Variants in CXADR observed in about 807,000 individuals in gnomAD.
CXADR encodes the protein coxsackievirus and adenovirus receptor.
Under a neutral mutation model 40.3 loss-of-function variants are expected in CXADR, and 20 were observed. That is an observed-to-expected ratio of 0.50 (90% CI 0.35 to 0.72). CXADR has a LOEUF of 0.72. Among genes scored for constraint, CXADR ranks in the 30% least tolerant of loss-of-function variants. CXADR has a pLI of 0.01. For synonymous variants in CXADR, 150 were observed against 161.3 expected (o/e 0.93, Z 0.53); for missense variants, 332 against 449.1 (o/e 0.74, Z 2.36).
chr21:17,612,637 C>T, the CXADR span: 670 of 152,330 alleles, frequency 4.4e-3, 22 homozygotes, highest in East Asian at 0.084. Flanking sequence ...GGCGACGGGA[C>T]CACCCTCCCC....
rs1406789685 is a variant in CXADR at position 17,569,044 on chromosome 21, G to A, written c.*3352G>A. On this transcript the variant is annotated 3_prime_UTR_variant, in exon 7 of 7. Transcript: ENST00000284878. ...TCTTGGAAATTTGGAACAAGTAAAG[G>A]GGCAAGTAAACCTTTTGATGAAATA... 1 of 985,160 alleles carries A rather than the reference G, an allele frequency of 1.0e-6. No homozygotes were observed. The highest frequency in any genetic ancestry group is 1.2e-6 in the Non-Finnish European group (1 of 829,908). 61.0% of individuals were successfully genotyped at this position (985,160 alleles called of 1,614,324 possible). A position where few individuals can be genotyped will look rare whatever the true frequency, so the allele number is the denominator to read the frequency against.
At chr21:17,635,204 A>G in the CXADR span, among the ~76,000 whole-genome samples, 4 of 152,210 alleles carry the variant, frequency 2.6e-5, no homozygotes, top group Admixed American at 1.3e-4. Context: ...GTCCTGCCCA[A>G]AGTCAATTGT....
intron 1 of CXADR, among the ~76,000 whole-genome samples, chr21:17,537,471 G>C (rs1420646958): frequency 6.6e-6 from 1 of 152,136 alleles, no homozygotes. Context: ...AAAGTGCTTT[G>C]TTGACTGCTT....
chr21:17,585,563 G>A (rs2061389031), intron 7 of CXADR, among the ~76,000 whole-genome samples: 1 of 151,988 alleles, frequency 6.6e-6, no homozygotes, highest in African/African-American at 2.4e-5. Context: ...CTGTCGTCAC[G>A]CTGGAGTACA....
the CXADR span, among the ~76,000 whole-genome samples, chr21:17,628,043 T>G: frequency 6.6e-6 from 1 of 152,338 alleles, no homozygotes; most frequent in East Asian, 1.9e-4. Flanking sequence ...GCCCAACTTT[T>G]TTTGTGCACA....
Position 17,569,388 on chromosome 21 carries a change from A to G in CXADR, c.*3696A>G. Reference sequence around the variant, plus strand: ...ATATTATATATATATATGTACATATATCTTTATAACATTCCTGTGTTTAGT... The same window carrying G: ...ATATTATATATATATATGTACATATGTCTTTATAACATTCCTGTGTTTAGT... On this transcript the variant is annotated 3_prime_UTR_variant, in exon 7 of 7. Transcript: ENST00000284878. 1 of 983,256 alleles carries G rather than the reference A, an allele frequency of 1.0e-6. No homozygotes were observed. The highest frequency in any genetic ancestry group is 1.2e-6 in the Non-Finnish European group (1 of 828,346). 60.9% of individuals were successfully genotyped at this position (983,256 alleles called of 1,614,324 possible).
chr21:17,567,392 G>A lies in CXADR; in HGVS notation c.*1700G>A. The A allele has an allele frequency of 1.0e-6, 1 of 984,976 alleles. No homozygotes were observed. Among genetic ancestry groups the A allele is most frequent in the African/African-American group, 1.7e-5 (1 of 57,346 alleles). The allele number at this position is 984,976 out of a possible 1,614,324, so 61.0% of individuals were successfully genotyped here. ...TATGTAAAATTACTTTTATACTCGT[G>A]TTAACATTTTCATCTGTGCCTTTTG... On this transcript the variant is annotated 3_prime_UTR_variant, in exon 7 of 7. Transcript: ENST00000284878.
At chr21:17,546,895 C>T in intron 1 of CXADR, 132 bp from the exon 2 acceptor site, 3 of 997,960 alleles carry the variant, frequency 3.0e-6, no homozygotes, top group Non-Finnish European at 4.4e-6. Context: ...TGAGTTTGGA[C>T]TCCATTCCTC....
intron 1 of CXADR, among the ~76,000 whole-genome samples, chr21:17,519,841 C>T (rs2060507009): frequency 6.6e-6 from 1 of 151,966 alleles, no homozygotes; most frequent in Non-Finnish European, 1.5e-5. Flanking sequence ...CGTCTGTAAT[C>T]CCAGCTACTC....
chr21:17,628,799 G>A, the CXADR span, among the ~76,000 whole-genome samples: 9 of 152,098 alleles, frequency 5.9e-5, no homozygotes, highest in Middle Eastern at 3.4e-3. Context: ...CACCGTGCCC[G>A]GCCAATGTCC....
At chr21:17,558,633 G>A (rs888935499) in intron 3 of CXADR, among the ~76,000 whole-genome samples, 1 of 152,142 alleles carries the variant, frequency 6.6e-6, no homozygotes, top group Non-Finnish European at 1.5e-5. Flanking sequence ...AGGAATGGGA[G>A]GGGGAGCTTC....
At chr21:17,632,958 C>A in the CXADR span, among the ~76,000 whole-genome samples, 3,743 of 152,184 alleles carry the variant, frequency 0.025, 173 homozygotes, top group African/African-American at 0.085. Context: ...TCACAGTGTT[C>A]CCAAGGTTTA....
intron 3 of CXADR, among the ~76,000 whole-genome samples, chr21:17,553,437 C>G (rs1446105348): frequency 2.0e-5 from 3 of 152,136 alleles, no homozygotes; most frequent in Middle Eastern, 3.4e-3. Flanking sequence ...CTGAATCGCA[C>G]TAACTAAAAA....
At chr21:17,622,118 A>G in the CXADR span, among the ~76,000 whole-genome samples, 1 of 152,240 alleles carries the variant, frequency 6.6e-6, no homozygotes, top group Admixed American at 6.5e-5. Context: ...TAATACAGGC[A>G]ACATCAGTTG....
the CXADR span, among the ~76,000 whole-genome samples, chr21:17,625,699 G>A: frequency 6.6e-6 from 1 of 152,042 alleles, no homozygotes; most frequent in East Asian, 1.9e-4. Flanking sequence ...TTCAAAATCA[G>A]GACATATACC....
rs1276762593 is a variant in CXADR, at chr21:17,569,125, TA to T, written c.*3438del. ...TCAAATTCTGTGATGTGTGGCTTCT[TA>T]AAAATATTCTCAGTGTCTTTTGTGT... On this transcript the variant is annotated 3_prime_UTR_variant, in exon 7 of 7. Transcript: ENST00000284878. 1 of 985,322 alleles carries T rather than the reference TA, an allele frequency of 1.0e-6. No individual in the cohort carries two copies. The highest frequency in any genetic ancestry group is 1.1e-4 in the East Asian group (1 of 8,834). The allele number at this position is 985,322 out of a possible 1,614,324, so 61.0% of individuals were successfully genotyped here.
At chr21:17,628,063 A>G in the CXADR span, among the ~76,000 whole-genome samples, 2 of 152,208 alleles carry the variant, frequency 1.3e-5, no homozygotes, top group African/African-American at 4.8e-5. Context: ...AAACAAATCA[A>G]TACTCAAATA....
Position 17,593,099 on chromosome 21 carries a change from T to C in CXADR, c.1018-53T>C, listed in dbSNP as rs1001035978. 7 of 1,294,292 alleles carry C rather than the reference T, an allele frequency of 5.4e-6. No homozygotes were observed. The African/African-American group carries it at 6.1e-5, about 11-fold the overall frequency. The allele number at this position is 1,294,292 out of a possible 1,614,324, so 80.2% of individuals were successfully genotyped here. A position where few individuals can be genotyped will look rare whatever the true frequency, so the allele number is the denominator to read the frequency against. ...TGATCTTAGTTTTTAAAAATTTACCTTTGGAGAAAAATCAAAACTCTTATA... is the reference window on the plus strand; with the variant it reads ...TGATCTTAGTTTTTAAAAATTTACCCTTGGAGAAAAATCAAAACTCTTATA... On this transcript the variant is annotated intron_variant, in intron 7 of 7. Coordinates refer to the CXADR transcript ENST00000400169.
downstream of CXADR, chr21:17,594,129 A>G: frequency 6.2e-7 from 1 of 1,613,196 alleles, no homozygotes; most frequent in South Asian, 1.1e-5. Context: ...TAATCCAGTG[A>G]TTCCGGTCAC....
Sources: allele counts gnomAD v4.1 joint callset (sites outside exome capture counted in the v4.1 genomes callset), GRCh38; gene constraint gnomAD v4.1.1; transcripts MANE v1.5; gene names NCBI Gene and HGNC (gene_info 2026-07-23, HGNC 2026-07-21).